METTL8: variants seen among roughly 807,000 people sequenced by gnomAD.
METTL8 encodes tRNA N(3)-cytidine methyltransferase METTL8, mitochondrial.
A neutral mutation model predicts 48.7 loss-of-function variants in METTL8; 32 were observed. That is an observed-to-expected ratio of 0.66 (90% confidence interval 0.50 to 0.88). METTL8 has a LOEUF of 0.88. Ranked by LOEUF, METTL8 falls within the 40% of genes least tolerant of loss-of-function variation. METTL8 has a pLI of 0.00. For synonymous variants in METTL8, 136 were observed against 157.1 expected, an observed-to-expected ratio of 0.87 and a Z score of 1.01; for missense variants, 464 against 474.4, an observed-to-expected ratio of 0.98 and a Z score of 0.20.
At chr2:171,416,058 C>T (rs867903443) in intron 1 of METTL8, among the ~76,000 whole-genome samples, 5 of 152,258 alleles carry the variant, frequency 3.3e-5, no homozygotes, top group Admixed American at 3.3e-4. Flanking sequence ...TATTCATCAA[C>T]TATGGCAGGC....
At chr2:171,353,546 C>G (rs1395335303) in intron 3 of METTL8, among the ~76,000 whole-genome samples, 1 of 152,204 alleles carries the variant, frequency 6.6e-6, no homozygotes, top group Admixed American at 6.5e-5. Context: ...TCTCATTGAT[C>G]TGTCTAATGT....
intron 9 of METTL8, among the ~76,000 whole-genome samples, 184 bp downstream of exon 9, chr2:171,325,657 T>C (rs1684873649): frequency 6.6e-6 from 1 of 152,142 alleles, no homozygotes; most frequent in Non-Finnish European, 1.5e-5. Context: ...TGGAAAAAGA[T>C]TAAACAGTAA....
intron 1 of METTL8, among the ~76,000 whole-genome samples, chr2:171,417,265 C>T (rs929460797): frequency 4.6e-5 from 7 of 152,160 alleles, no homozygotes; most frequent in South Asian, 2.1e-4. Flanking sequence ...TTTATAATCT[C>T]GATGATTTTC....
intron 3 of METTL8, among the ~76,000 whole-genome samples, chr2:171,350,665 T>C (rs1683810778): frequency 6.6e-6 from 1 of 152,248 alleles, no homozygotes; most frequent in South Asian, 2.1e-4. Context: ...CTAACTGGTG[T>C]GAGATGGTAT....
chr2:171,375,388 G>A (rs1686859021), intron 2 of METTL8: 1 of 619,304 alleles, frequency 1.6e-6, no homozygotes, highest in Non-Finnish European at 2.9e-6. Flanking sequence ...AAACTGCCAA[G>A]TTGTATTCCA....
At position 171,330,690 on chromosome 2, in the gene METTL8, C is replaced by G. The variant is rs138263083; in HGVS notation, c.729G>C (p.Ser243=). ...SGAVELVKSH[S]SYRATQCFAF... ...CAAAACACTGGGTTGCTCTGTAGGA[C>G]GAGTGTGACTGTCATGATAAAGGAA... The change falls in exon 7 of 10, where the codon TCG becomes TCC. Residue 243 remains serine, a synonymous_variant. Coordinates refer to ENST00000375258, the MANE Select transcript of METTL8 (RefSeq NM_001321154.2). 6.2e-7 allele frequency: 1 copy of G among 1,609,216 alleles called. No individual in the cohort carries two copies. The highest frequency in any genetic ancestry group is 8.5e-7 in the Non-Finnish European group (1 of 1,178,432).
Position 171,326,022 on chromosome 2 carries a change from CA to C in METTL8, c.967+19del. 7.1e-7 allele frequency: 1 copy of C among 1,415,100 alleles called. No homozygotes were observed. Among genetic ancestry groups the C allele is most frequent in the Non-Finnish European group, 9.7e-7 (1 of 1,029,402 alleles). The allele number at this position is 1,415,100 out of a possible 1,614,324, so 87.7% of individuals were successfully genotyped here. A position where few individuals can be genotyped will look rare whatever the true frequency, so the allele number is the denominator to read the frequency against. On this transcript the variant is annotated intron_variant, in intron 8 of 9. Transcript: ENST00000375258. ...TCTTTAGAACATTTAAAAATAACCT[CA>C]AACTGAATATACTATTACCCTTTTT...
intron 2 of METTL8, among the ~76,000 whole-genome samples, chr2:171,371,222 T>G (rs1429319132): frequency 1.3e-5 from 2 of 152,244 alleles, no homozygotes; most frequent in African/African-American, 4.8e-5. Context: ...TAACTTCAAT[T>G]AAATCTTCCT....
At chr2:171,397,790 T>C (rs1689258886) in intron 1 of METTL8, among the ~76,000 whole-genome samples, 2 of 152,168 alleles carry the variant, frequency 1.3e-5, no homozygotes, top group South Asian at 2.1e-4. Context: ...TGGGATATTA[T>C]GGACAATTTT....
intron 3 of METTL8, among the ~76,000 whole-genome samples, chr2:171,357,239 G>C (rs555108495): frequency 6.6e-6 from 1 of 152,180 alleles, no homozygotes; most frequent in East Asian, 1.9e-4. Flanking sequence ...GATTACAGGC[G>C]TAAGCCCCTG....
chr2:171,365,241 T>C (rs1573993250), intron 2 of METTL8, among the ~76,000 whole-genome samples: 1 of 152,162 alleles, frequency 6.6e-6, no homozygotes, highest in East Asian at 1.9e-4. Flanking sequence ...TCAAACATCT[T>C]GGCTTCTCCT....
intron 2 of METTL8, among the ~76,000 whole-genome samples, chr2:171,379,459 T>A (rs1038427889): frequency 3.3e-5 from 5 of 149,706 alleles, no homozygotes; most frequent in Admixed American, 6.6e-5. Context: ...AAAAAAAAAA[T>A]CAATGAATCC....
intron 1 of METTL8, among the ~76,000 whole-genome samples, chr2:171,424,026 T>A (rs1258486517): frequency 6.6e-6 from 1 of 152,134 alleles, no homozygotes; most frequent in Non-Finnish European, 1.5e-5. Flanking sequence ...CCCCAGCTGC[T>A]CCAGCTGTGG....
At chr2:171,416,760 A>G (rs2105640939) in intron 1 of METTL8, among the ~76,000 whole-genome samples, 1 of 152,390 alleles carries the variant, frequency 6.6e-6, no homozygotes, top group African/African-American at 2.4e-5. Flanking sequence ...GTACAGATGC[A>G]GGAGCTGAGG....
intron 3 of METTL8, among the ~76,000 whole-genome samples, chr2:171,359,152 C>A (rs1046226374): frequency 1.4e-5 from 2 of 140,062 alleles, no homozygotes; most frequent in African/African-American, 2.7e-5. Context: ...ATACTCCAGA[C>A]TGGGCAACAA....
At chr2:171,365,786 G>A (rs2105486359) in intron 2 of METTL8, among the ~76,000 whole-genome samples, 1 of 152,290 alleles carries the variant, frequency 6.6e-6, no homozygotes, top group South Asian at 2.1e-4. Flanking sequence ...ATTATAAACT[G>A]GATAAAATAT....
At chr2:171,392,522 G>C (rs986088707) in intron 1 of METTL8, among the ~76,000 whole-genome samples, 1 of 152,062 alleles carries the variant, frequency 6.6e-6, no homozygotes, top group African/African-American at 2.4e-5. Flanking sequence ...ACTAAAGACA[G>C]ATTTTTTTTA....
Position 171,320,852 on chromosome 2 carries a change from T to C in METTL8, c.*3320A>G, listed in dbSNP as rs1215776037. Reference sequence around the variant, plus strand: ...TCTGACCTCACTCCATTCCATTCTATAGACAACTCCTCAACCTCTCTCAAT... The same window carrying C: ...TCTGACCTCACTCCATTCCATTCTACAGACAACTCCTCAACCTCTCTCAAT... On this transcript the variant is annotated 3_prime_UTR_variant, in exon 10 of 10. Coordinates refer to ENST00000375258, the MANE Select transcript of METTL8 (RefSeq NM_001321154.2). 1.3e-5 allele frequency: 2 copies of C among 152,210 alleles called. No individual in the cohort carries two copies. Among genetic ancestry groups the C allele is most frequent in the East Asian group, 1.9e-4 (1 of 5,202 alleles). 9.4% of individuals were successfully genotyped at this position (152,210 alleles called of 1,614,324 possible). A position where few individuals can be genotyped will look rare whatever the true frequency, so the allele number is the denominator to read the frequency against.
intron 3 of METTL8, among the ~76,000 whole-genome samples, chr2:171,350,820 T>C (rs1459868109): frequency 2.6e-5 from 4 of 152,242 alleles, no homozygotes; most frequent in African/African-American, 9.6e-5. Context: ...GTTTGATTTT[T>C]TCTTGTAAAT....
Sources: allele counts gnomAD v4.1 joint callset (sites outside exome capture counted in the v4.1 genomes callset), GRCh38; gene constraint gnomAD v4.1.1; transcripts MANE v1.5; gene names NCBI Gene and HGNC (gene_info 2026-07-23, HGNC 2026-07-21).